PRKCE: variants seen among roughly 807,000 people sequenced by gnomAD.
PRKCE encodes protein kinase C epsilon.
In PRKCE, 16 loss-of-function variants were observed where a neutral mutation model predicts 85.4. The observed-to-expected ratio is 0.19, with a 90% CI of 0.13 to 0.28. PRKCE has a LOEUF of 0.28. Among genes scored for constraint, PRKCE ranks in the 10% least tolerant of loss-of-function variants. The probability of loss-of-function intolerance (pLI) is 1.00; values close to 1 mark genes in which losing one functional copy is unlikely to be tolerated. For missense variants in PRKCE, 573 were observed against 975.2 expected (o/e 0.59, Z 5.49); for synonymous variants, 388 against 371.5 (o/e 1.04, Z -0.51).
Position 46,004,531 on chromosome 2 carries a change from C to T in PRKCE, c.967-11C>T. 7 of 1,568,002 alleles carry T rather than the reference C, an allele frequency of 4.5e-6. No homozygotes were observed. Among genetic ancestry groups the T allele is most frequent in the Non-Finnish European group, 5.2e-6 (6 of 1,162,646 alleles). On this transcript the variant is annotated splice_polypyrimidine_tract_variant and intron_variant, in intron 7 of 14. Transcript: ENST00000306156. This position sits in a 1 kb window ranked among gnomAD's most constrained non-coding sequence, Gnocchi z 4.1. ...TCTGATGCCTCTGTCCCTGCTTTCT[C>T]TCCTCTCTAGCTCATTGCTGGTGCC...
In PRKCE at chr2:46,145,729, A is replaced by G. The variant is rs569349388; in HGVS notation, c.1731+498A>G. Among the ~76,000 whole-genome samples the G allele has an allele frequency of 6.6e-6, 1 of 152,124 alleles. No homozygotes were observed. The highest frequency in any genetic ancestry group is 6.5e-5 in the Admixed American group (1 of 15,274). On this transcript the variant is annotated intron_variant, in intron 12 of 14. Coordinates refer to ENST00000306156, the MANE Select transcript of PRKCE (RefSeq NM_005400.3). The surrounding 1 kb of genome is among the most constrained non-coding windows in gnomAD (Gnocchi z 4.6). The stretch of plus-strand genomic sequence containing the variant: ...TAAAAAATACAAAAATTAGCCAGGC[A>G]TAGTGGTGCAAACCTGTAGTCCCAG...
chr2:45,794,850 C>CCG (rs1553413001), intron 1 of PRKCE, among the ~76,000 whole-genome samples: 5 of 151,224 alleles, frequency 3.3e-5, no homozygotes, highest in Non-Finnish European at 7.4e-5. Flanking sequence ...GCCCTACCCC[C>CCG]CCCCCCATCC....
chr2:45,882,921 C>G (rs1195966174), intron 2 of PRKCE, among the ~76,000 whole-genome samples: 1 of 152,258 alleles, frequency 6.6e-6, no homozygotes, highest in Non-Finnish European at 1.5e-5. Flanking sequence ...AAGCTGGCCG[C>G]TGCTTCGGAA....
Position 45,693,401 on chromosome 2 carries a change from T to A in PRKCE, c.348+40953T>A, listed in dbSNP as rs573206704. 3.9e-5 allele frequency among the ~76,000 whole-genome samples: 6 copies of A among 152,222 alleles called. No homozygotes were observed. The South Asian group carries it at 8.3e-4, about 21-fold the overall frequency. ...AGGGCTGGAGGTGAGAATGGCAGTG[T>A]GATGGTTGGAACCATGGGGGTGGCT... On this transcript the variant is annotated intron_variant, in intron 1 of 14. Coordinates refer to ENST00000306156, the MANE Select transcript of PRKCE (RefSeq NM_005400.3).
At chr2:45,765,127 G>C (rs528874750) in intron 1 of PRKCE, among the ~76,000 whole-genome samples, 2 of 152,166 alleles carry the variant, frequency 1.3e-5, no homozygotes, top group African/African-American at 4.8e-5. Flanking sequence ...TGGAGGAAAC[G>C]CTTTACCCTT....
chr2:45,837,445 C>T (rs1282278250), intron 1 of PRKCE, among the ~76,000 whole-genome samples: 5 of 152,232 alleles, frequency 3.3e-5, no homozygotes, highest in African/African-American at 7.2e-5. Flanking sequence ...TTAGTAGAGA[C>T]GGAGTTTCAC....
intron 14 of PRKCE, among the ~76,000 whole-genome samples, chr2:46,171,120 G>A (rs1678849719): frequency 6.6e-6 from 1 of 152,174 alleles, no homozygotes; most frequent in South Asian, 2.1e-4. Context: ...CCAGGCTCGG[G>A]TCCTGCCACT....
At chr2:45,897,140 A>G (rs1406111439) in intron 2 of PRKCE, among the ~76,000 whole-genome samples, 2 of 152,234 alleles carry the variant, frequency 1.3e-5, no homozygotes, top group Non-Finnish European at 2.9e-5. Context: ...ATAATATGAA[A>G]TATCTAAAAC....
chr2:46,151,316 C>CACAT, intron 13 of PRKCE, 87 bp downstream of exon 13: 1 of 1,178,798 alleles, frequency 8.5e-7, no homozygotes, highest in East Asian at 2.4e-5. Context: ...CACACACACA[C>CACAT]ACACACACTC....
intron 1 of PRKCE, among the ~76,000 whole-genome samples, chr2:45,803,391 T>G (rs1357637458): frequency 6.6e-6 from 1 of 152,262 alleles, no homozygotes; most frequent in African/African-American, 2.4e-5. Flanking sequence ...TTGAACACAG[T>G]GAAGTCTCTA....
intron 1 of PRKCE, among the ~76,000 whole-genome samples, chr2:45,726,117 G>A (rs1201359769): frequency 6.6e-6 from 1 of 152,188 alleles, no homozygotes; most frequent in African/African-American, 2.4e-5. Context: ...AACAAAGAAA[G>A]TGGTTTCTTG....
At chr2:45,742,950 G>A (rs2104658415) in intron 1 of PRKCE, among the ~76,000 whole-genome samples, 1 of 152,316 alleles carries the variant, frequency 6.6e-6, no homozygotes, top group East Asian at 1.9e-4. Flanking sequence ...TAAAGCAGAA[G>A]CAAATCCTGC....
At chr2:46,154,581 T>A (rs911889209) in intron 13 of PRKCE, among the ~76,000 whole-genome samples, 6 of 151,714 alleles carry the variant, frequency 4.0e-5, no homozygotes, top group Non-Finnish European at 2.9e-5. Context: ...AGCCCCTCCG[T>A]GTTAAAGTCC....
intron 2 of PRKCE, among the ~76,000 whole-genome samples, chr2:45,854,177 C>T (rs866173155): frequency 1.6e-4 from 24 of 152,194 alleles, no homozygotes; most frequent in African/African-American, 5.8e-4. Context: ...GAGACCTGGC[C>T]CGGTGCAGTG....
At chr2:46,156,699 CTG>C (rs1317643654) in intron 13 of PRKCE, among the ~76,000 whole-genome samples, 1 of 152,220 alleles carries the variant, frequency 6.6e-6, no homozygotes. Flanking sequence ...TAGGGGGACT[CTG>C]TTGTCCAACT....
At chr2:45,947,559 C>T (rs959342187) in intron 2 of PRKCE, among the ~76,000 whole-genome samples, 4 of 152,192 alleles carry the variant, frequency 2.6e-5, no homozygotes, top group Admixed American at 2.6e-4. Context: ...ACTAAAATAA[C>T]CTAATAACAA....
intron 1 of PRKCE, chr2:45,677,889 G>A (rs1676599969): frequency 2.0e-6 from 2 of 985,460 alleles, no homozygotes; most frequent in South Asian, 4.7e-5. Context: ...AGGACACCAC[G>A]GAAGTTCTGA....
At chr2:46,022,981 G>A (rs1028293226) in intron 10 of PRKCE, among the ~76,000 whole-genome samples, 5 of 150,778 alleles carry the variant, frequency 3.3e-5, no homozygotes, top group Non-Finnish European at 7.4e-5. Context: ...TACTGGGGAG[G>A]CTGAGGCAGG....
chr2:45,684,800 C>G (rs996158014), intron 1 of PRKCE, among the ~76,000 whole-genome samples: 2 of 152,150 alleles, frequency 1.3e-5, no homozygotes, highest in African/African-American at 2.4e-5. Context: ...TGTGCGCATC[C>G]AAGGAGGGAA....
Sources: gnomAD v4.1 joint callset for allele counts (sites outside exome capture counted in the v4.1 genomes callset) on GRCh38, gnomAD v4.1.1 for gene constraint, Gnocchi (gnomAD v3.1) non-coding constraint, MANE v1.5 for transcripts, NCBI Gene and HGNC (gene_info 2026-07-23, HGNC 2026-07-21) for gene names.